AIG1: variants seen among roughly 807,000 people sequenced by gnomAD.
AIG1 encodes androgen-induced gene 1 protein.
AIG1 carries 23 observed loss-of-function variants against 31.4 expected under a neutral mutation model. The ratio of observed to expected loss-of-function variants is 0.73; its 90% CI spans 0.53 to 1.04. AIG1 has a LOEUF of 1.04. Ranked by LOEUF, AIG1 falls within the 50% of genes least tolerant of loss-of-function variation. The pLI, the probability that AIG1 is intolerant of heterozygous loss-of-function variation, is 0.00. For synonymous variants in AIG1, 100 were observed against 110.5 expected, an observed-to-expected ratio of 0.90 and a Z score of 0.60; for missense variants, 274 against 295.0, an observed-to-expected ratio of 0.93 and a Z score of 0.52.
intron 3 of AIG1, among the ~76,000 whole-genome samples, chr6:143,257,491 T>C (rs1351809731): frequency 6.6e-6 from 1 of 152,216 alleles, no homozygotes; most frequent in Non-Finnish European, 1.5e-5. Flanking sequence ...CAGTGAATTT[T>C]TGTATGTGTA....
chr6:143,243,596 C>A (rs1183170148), intron 3 of AIG1, among the ~76,000 whole-genome samples: 4 of 152,142 alleles, frequency 2.6e-5, no homozygotes, highest in Non-Finnish European at 4.4e-5. Context: ...GATCTTAAGT[C>A]ACCCCAAATT....
chr6:143,310,891 G>T (rs561555545), intron 4 of AIG1, among the ~76,000 whole-genome samples: 1 of 151,904 alleles, frequency 6.6e-6, no homozygotes, highest in East Asian at 1.9e-4. Flanking sequence ...CAAAACTCAT[G>T]CAAAGAGAAA....
intron 3 of AIG1, among the ~76,000 whole-genome samples, chr6:143,228,292 G>A (rs577536674): frequency 6.6e-6 from 1 of 152,200 alleles, no homozygotes; most frequent in South Asian, 2.1e-4. Context: ...TTCGCATCAG[G>A]CCTCTTTACA....
At chr6:143,070,100 G>T (rs572053262) in intron 1 of AIG1, among the ~76,000 whole-genome samples, 5 of 152,310 alleles carry the variant, frequency 3.3e-5, no homozygotes, top group Admixed American at 3.3e-4. Context: ...TTCGAAGCAG[G>T]TAGTGAGAAT....
rs373580167 is a variant in AIG1, at chr6:143,340,508, TG to T, written c.*834del. On this transcript the variant is annotated 3_prime_UTR_variant, in exon 6 of 6. Coordinates refer to ENST00000357847, the MANE Select transcript of AIG1 (RefSeq NM_016108.4). ...TGGAGTCTCACTCTGTCGCCCAGGCTGGAGTACAGTGGCGTGATCTCAGCTC... is the reference window on the plus strand; with the variant it reads ...TGGAGTCTCACTCTGTCGCCCAGGCTGAGTACAGTGGCGTGATCTCAGCTC... Among the ~76,000 whole-genome samples, 194 of 152,310 alleles carry T rather than the reference TG, an allele frequency of 1.3e-3. 1 individual carries two copies. Among genetic ancestry groups the T allele is most frequent in the African/African-American group, 4.5e-3 (187 of 41,558 alleles).
intron 3 of AIG1, among the ~76,000 whole-genome samples, chr6:143,246,082 C>T (rs1161608718): frequency 6.6e-6 from 1 of 152,198 alleles, no homozygotes; most frequent in African/African-American, 2.4e-5. Flanking sequence ...GGGTCACATT[C>T]AAAGCCATCC....
intron 4 of AIG1, among the ~76,000 whole-genome samples, chr6:143,303,544 G>A (rs1473481031): frequency 1.3e-5 from 2 of 152,110 alleles, no homozygotes; most frequent in Non-Finnish European, 2.9e-5. Context: ...GTAGATATGT[G>A]GCATTATTTC....
intron 2 of AIG1, among the ~76,000 whole-genome samples, chr6:143,144,056 C>T (rs1375748735): frequency 3.9e-5 from 6 of 152,130 alleles, no homozygotes; most frequent in Non-Finnish European, 8.8e-5. Context: ...AAATGAGAAC[C>T]AAAGATTTTC....
chr6:143,205,185 C>T (rs1367744863), intron 3 of AIG1, among the ~76,000 whole-genome samples: 4 of 152,150 alleles, frequency 2.6e-5, no homozygotes, highest in Admixed American at 2.6e-4. Context: ...GCCTTATTCC[C>T]AGTTCGTGCT....
At chr6:143,060,537 G>C (rs1196110055), upstream of AIG1, 4 of 292,850 alleles carry the variant, frequency 1.4e-5, no homozygotes, top group Non-Finnish European at 3.1e-5. Context: ...GGAGATCAGC[G>C]CGCACTTCCC....
At chr6:143,270,388 T>C (rs1412361915) in intron 3 of AIG1, among the ~76,000 whole-genome samples, 1 of 152,222 alleles carries the variant, frequency 6.6e-6, no homozygotes, top group Admixed American at 6.5e-5. Context: ...ACAGAAATGT[T>C]ATCCATTTCT....
chr6:143,244,548 G>A (rs1794476459), intron 3 of AIG1, among the ~76,000 whole-genome samples: 1 of 152,164 alleles, frequency 6.6e-6, no homozygotes, highest in African/African-American at 2.4e-5. Flanking sequence ...CATGGGTATG[G>A]GCTTTAATAA....
At chr6:143,087,429 C>T (rs569236567) in intron 1 of AIG1, among the ~76,000 whole-genome samples, 1 of 152,288 alleles carries the variant, frequency 6.6e-6, no homozygotes, top group African/African-American at 2.4e-5. Context: ...TTAGGATGAA[C>T]CCAGGTGCTT....
intron 1 of AIG1, among the ~76,000 whole-genome samples, chr6:143,090,445 T>A (rs532142731): frequency 8.5e-5 from 13 of 152,318 alleles, no homozygotes; most frequent in African/African-American, 2.9e-4. Context: ...TGTGAGAACA[T>A]AGTCCCACAG....
At chr6:143,286,807 G>A (rs1583742694) in intron 4 of AIG1, among the ~76,000 whole-genome samples, 1 of 152,100 alleles carries the variant, frequency 6.6e-6, no homozygotes, top group Non-Finnish European at 1.5e-5. Flanking sequence ...TGGCTGTTTT[G>A]CTGGGACTCT....
At chr6:143,079,049 A>AT (rs1297949747) in intron 1 of AIG1, among the ~76,000 whole-genome samples, 1 of 152,072 alleles carries the variant, frequency 6.6e-6, no homozygotes, top group Admixed American at 6.6e-5. Context: ...GGTTCACACA[A>AT]TTGGTGACGC....
chr6:143,101,891 A>G (rs1313491069), intron 1 of AIG1, among the ~76,000 whole-genome samples: 3 of 152,168 alleles, frequency 2.0e-5, no homozygotes, highest in Admixed American at 1.3e-4. Flanking sequence ...AGTTTTTACA[A>G]TTTCTAATGC....
At position 143,136,842 on chromosome 6, in the gene AIG1, A is replaced by G; in HGVS notation, c.149A>G (p.Gln50Arg). ...KFLTFIDLVI[Q>R]AVFFGICVLT... Reference sequence around the variant, plus strand: ...GCTGTTGTCCCCCTACAGGTTATCCAGGCTGTCTTTTTTGGCATCTGTGTG... The same window carrying G: ...GCTGTTGTCCCCCTACAGGTTATCCGGGCTGTCTTTTTTGGCATCTGTGTG... Residue 50 changes from glutamine to arginine, a missense_variant, in exon 2 of 6, where the codon CAG becomes CGG. By Grantham distance (43) the Gln-to-Arg change is conservative (BLOSUM62 1). Coordinates refer to ENST00000357847, the MANE Select transcript of AIG1 (RefSeq NM_016108.4). 1 of 1,428,842 alleles carries G rather than the reference A, an allele frequency of 7.0e-7. No individual in the cohort carries two copies. Among genetic ancestry groups the G allele is most frequent in the Non-Finnish European group, 9.3e-7 (1 of 1,073,148 alleles). 88.5% of individuals were successfully genotyped at this position (1,428,842 alleles called of 1,614,324 possible).
intron 4 of AIG1, among the ~76,000 whole-genome samples, chr6:143,305,983 C>T (rs1013632209): frequency 6.6e-6 from 1 of 151,498 alleles, no homozygotes; most frequent in Admixed American, 6.6e-5. Flanking sequence ...TATGTAATGG[C>T]CTTCTTTGTC....
Sources: gnomAD v4.1 joint callset for allele counts (sites outside exome capture counted in the v4.1 genomes callset) on GRCh38, gnomAD v4.1.1 for gene constraint, MANE v1.5 for transcripts, NCBI Gene and HGNC (gene_info 2026-07-23, HGNC 2026-07-21) for gene names.